Variants in ZNF536 observed in about 807,000 individuals in gnomAD.
The protein encoded by ZNF536 is zinc finger protein 536.
A neutral mutation model predicts 84.5 loss-of-function variants in ZNF536; 13 were observed. The ratio of observed to expected loss-of-function variants is 0.15; its 90% CI spans 0.10 to 0.24. The LOEUF (loss-of-function observed/expected upper bound fraction) is 0.24. Among genes scored for constraint, ZNF536 ranks in the 10% least tolerant of loss-of-function variants. ZNF536 has a pLI of 1.00. For synonymous variants in ZNF536, 811 were observed against 742.5 expected, an observed-to-expected ratio of 1.09 and a Z score of -1.50; for missense variants, 1,536 against 1,747.5, an observed-to-expected ratio of 0.88 and a Z score of 2.16.
intron 1 of ZNF536, among the ~76,000 whole-genome samples, chr19:30,273,954 T>G (rs1335676660): frequency 6.6e-6 from 1 of 152,248 alleles, no homozygotes; most frequent in East Asian, 1.9e-4. Flanking sequence ...TCAACAGCCA[T>G]TATATCAGTT....
At position 30,261,258 on chromosome 19, in the gene ZNF536, A is replaced by G. The variant is rs999321459; in HGVS notation, c.-189-22814A>G. Reference sequence around the variant, plus strand: ...GCTTGCAGTGAGCCGAGATCCCGCCACTGCACTCCAGCCTGGGCGACAGAG... The same window carrying G: ...GCTTGCAGTGAGCCGAGATCCCGCCGCTGCACTCCAGCCTGGGCGACAGAG... On this transcript the variant is annotated intron_variant, in intron 1 of 5. Transcript: ENST00000585628. Among the ~76,000 whole-genome samples, 13 of 134,766 alleles carry G rather than the reference A, an allele frequency of 9.6e-5. No homozygotes were observed. In the East Asian group the frequency reaches 3.0e-3, roughly 31 times the overall value. 88.4% of individuals were successfully genotyped at this position (134,766 alleles called of 152,430 possible). A position where few individuals can be genotyped will look rare whatever the true frequency, so the allele number is the denominator to read the frequency against.
chr19:30,281,141 C>G (rs1177670651), intron 1 of ZNF536, among the ~76,000 whole-genome samples: 1 of 152,106 alleles, frequency 6.6e-6, no homozygotes, highest in Non-Finnish European at 1.5e-5. Flanking sequence ...GTCCCTCTCT[C>G]AGAACTTTCC....
chr19:30,493,731 T>C (rs2054603210), intron 2 of ZNF536, among the ~76,000 whole-genome samples: 1 of 152,208 alleles, frequency 6.6e-6, no homozygotes, highest in Non-Finnish European at 1.5e-5. Flanking sequence ...CGTATCATGA[T>C]GTTGAGGTCT....
chr19:30,359,014 C>T (rs1412129885), intron 3 of ZNF536, among the ~76,000 whole-genome samples: 1 of 152,202 alleles, frequency 6.6e-6, no homozygotes, highest in Non-Finnish European at 1.5e-5. Flanking sequence ...CTGGGGAAAG[C>T]CGGCCCATCA....
intron 1 of ZNF536, among the ~76,000 whole-genome samples, chr19:30,273,799 C>G (rs1291470690): frequency 1.3e-5 from 2 of 152,102 alleles, no homozygotes; most frequent in African/African-American, 4.8e-5. Flanking sequence ...CATTTGAAAC[C>G]TGAGATTTTG....
At chr19:30,709,814 A>G (rs1164602942) in intron 1 of ZNF536, among the ~76,000 whole-genome samples, 1 of 152,066 alleles carries the variant, frequency 6.6e-6, no homozygotes, top group Non-Finnish European at 1.5e-5. Context: ...AGACAGTCTC[A>G]CCATGTTGCC....
chr19:30,627,505 G>A lies in ZNF536; in HGVS notation c.169+77991G>A, dbSNP rs1017395798. 3.2e-5 allele frequency among the ~76,000 whole-genome samples: 4 copies of A among 123,852 alleles called. No homozygotes were observed. In the South Asian group the frequency reaches 7.5e-4, roughly 23 times the overall value. 81.3% of individuals were successfully genotyped at this position (123,852 alleles called of 152,430 possible). On this transcript the variant is annotated intron_variant, in intron 1 of 1. Coordinates refer to the ZNF536 transcript ENST00000592773. ...AAAAAAAAAAAAAAAAAAAAAAAAG[G>A]CTTTCTATGCTGGAGCTGGAAGACA...
chr19:30,453,744 C>A (rs934626220), intron 2 of ZNF536, among the ~76,000 whole-genome samples: 1 of 152,224 alleles, frequency 6.6e-6, no homozygotes, highest in African/African-American at 2.4e-5. Flanking sequence ...GATGGGTGGG[C>A]CTGGGCAAAA....
chr19:30,517,332 T>G (rs1215169210), intron 2 of ZNF536, among the ~76,000 whole-genome samples: 1 of 151,836 alleles, frequency 6.6e-6, no homozygotes, highest in Admixed American at 6.6e-5. Flanking sequence ...TTTTTAGAGG[T>G]GGAAAGGGCT....
At chr19:30,268,233 G>T (rs1030531142) in intron 1 of ZNF536, among the ~76,000 whole-genome samples, 1 of 152,074 alleles carries the variant, frequency 6.6e-6, no homozygotes, top group Non-Finnish European at 1.5e-5. Flanking sequence ...CCACTTTAGT[G>T]GTGACCTGAG....
At chr19:30,462,598 T>C (rs2053192097) in intron 2 of ZNF536, among the ~76,000 whole-genome samples, 1 of 151,920 alleles carries the variant, frequency 6.6e-6, no homozygotes, top group South Asian at 2.1e-4. Flanking sequence ...TGAATGTCAG[T>C]ATCTTTGTGG....
chr19:30,490,899 A>G (rs1054053909), intron 2 of ZNF536, among the ~76,000 whole-genome samples: 1 of 152,174 alleles, frequency 6.6e-6, no homozygotes, highest in Non-Finnish European at 1.5e-5. Context: ...CCCGGTGACT[A>G]ATGGCTGGCT....
intron 1 of ZNF536, among the ~76,000 whole-genome samples, chr19:30,274,051 C>A (rs1221016554): frequency 1.3e-5 from 2 of 152,058 alleles, no homozygotes; most frequent in African/African-American, 4.8e-5. Context: ...ACTTGAATAA[C>A]CAATTTTAAA....
At chr19:30,310,315 CAG>C (rs2146076676) in intron 2 of ZNF536, among the ~76,000 whole-genome samples, 1 of 152,084 alleles carries the variant, frequency 6.6e-6, no homozygotes, top group East Asian at 1.9e-4. Context: ...TATTCTTAAA[CAG>C]GGGTTGTTTT....
At chr19:30,512,980 C>G (rs1172263983) in intron 2 of ZNF536, among the ~76,000 whole-genome samples, 1 of 152,194 alleles carries the variant, frequency 6.6e-6, no homozygotes, top group African/African-American at 2.4e-5. Context: ...TAAATCCCCT[C>G]TGGGTGCATT....
At chr19:30,580,032 G>C (rs1480983266) in intron 1 of ZNF536, among the ~76,000 whole-genome samples, 1 of 152,216 alleles carries the variant, frequency 6.6e-6, no homozygotes, top group African/African-American at 2.4e-5. Flanking sequence ...AGACGCAGTT[G>C]CTGAGTCTGA....
At chr19:30,596,770 G>GTA (rs892661332) in intron 1 of ZNF536, among the ~76,000 whole-genome samples, 1 of 151,998 alleles carries the variant, frequency 6.6e-6, no homozygotes, top group African/African-American at 2.4e-5. Flanking sequence ...GTGTGTGTGT[G>GTA]TGTGGGAGGG....
chr19:30,569,491 C>T (rs145783998), intron 1 of ZNF536, among the ~76,000 whole-genome samples: 2 of 147,840 alleles, frequency 1.4e-5, no homozygotes, highest in East Asian at 2.1e-4. Flanking sequence ...GCCACTCAGT[C>T]TCTGGGTTAG....
chr19:30,485,013 A>G (rs1366808919), intron 2 of ZNF536, among the ~76,000 whole-genome samples: 1 of 151,940 alleles, frequency 6.6e-6, no homozygotes, highest in African/African-American at 2.4e-5. Flanking sequence ...GCGTGGTGGC[A>G]GGCACCTGTA....
Sources: gnomAD v4.1 joint callset for allele counts (sites outside exome capture counted in the v4.1 genomes callset) on GRCh38, gnomAD v4.1.1 for gene constraint, MANE v1.5 for transcripts, NCBI Gene and HGNC (gene_info 2026-07-23, HGNC 2026-07-21) for gene names.